The following DENND1B variants were observed in gnomAD, a reference collection of about 807,000 sequenced individuals.
DENND1B encodes DENN domain-containing protein 1B.
Under a neutral mutation model 90.1 loss-of-function variants are expected in DENND1B, and 59 were observed. That is an observed-to-expected ratio of 0.65 (90% CI 0.53 to 0.81). The LOEUF is 0.81. DENND1B is among the 40% of genes least tolerant of loss of function. DENND1B has a pLI of 0.00. For synonymous variants in DENND1B, 337 were observed against 324.6 expected (o/e 1.04, Z -0.41); for missense variants, 862 against 912.6 (o/e 0.94, Z 0.71).
At chr1:197,635,559 A>G (rs1679711956) in intron 10 of DENND1B, among the ~76,000 whole-genome samples, 1 of 151,962 alleles carries the variant, frequency 6.6e-6, no homozygotes, top group African/African-American at 2.4e-5. Context: ...GCTATTCTCA[A>G]ACTCCTGGGC....
chr1:197,704,003 G>C (rs1192947369), intron 3 of DENND1B, among the ~76,000 whole-genome samples: 1 of 152,128 alleles, frequency 6.6e-6, no homozygotes, highest in Non-Finnish European at 1.5e-5. Flanking sequence ...AGGACTCTGG[G>C]AGACCAAGGT....
At chr1:197,689,888 G>C (rs1296252637) in intron 3 of DENND1B, 1 of 153,122 alleles carries the variant, frequency 6.5e-6, no homozygotes, top group Non-Finnish European at 1.5e-5. Flanking sequence ...AACATACCTT[G>C]GCTCAAGAGA....
intron 15 of DENND1B, among the ~76,000 whole-genome samples, chr1:197,559,288 T>A (rs1671963787): frequency 6.6e-6 from 1 of 151,970 alleles, no homozygotes; most frequent in South Asian, 2.1e-4. Context: ...AAGAAATATT[T>A]GATCTTTTTT....
At chr1:197,516,960 G>C (rs921801980) in intron 20 of DENND1B, among the ~76,000 whole-genome samples, 34 of 151,932 alleles carry the variant, frequency 2.2e-4, no homozygotes, top group African/African-American at 7.2e-4. Context: ...AGCTTTATCT[G>C]CTAAGTGTTC....
At chr1:197,658,933 C>A (rs766250230) in intron 5 of DENND1B, among the ~76,000 whole-genome samples, 1 of 150,842 alleles carries the variant, frequency 6.6e-6, no homozygotes, top group Non-Finnish European at 1.5e-5. Flanking sequence ...AAATTTAATT[C>A]ATTGTACTAG....
intron 14 of DENND1B, among the ~76,000 whole-genome samples, chr1:197,585,488 A>G (rs938595641): frequency 6.6e-6 from 1 of 152,202 alleles, no homozygotes; most frequent in African/African-American, 2.4e-5. Flanking sequence ...GGCATAGTTT[A>G]ATCATTAGCC....
intron 10 of DENND1B, among the ~76,000 whole-genome samples, chr1:197,630,366 G>C (rs1679218254): frequency 6.6e-6 from 1 of 152,056 alleles, no homozygotes; most frequent in African/African-American, 2.4e-5. Flanking sequence ...ATGGCACCTT[G>C]TTACTGCATC....
chr1:197,595,879 T>A (rs1040387833), intron 13 of DENND1B, among the ~76,000 whole-genome samples: 1 of 152,112 alleles, frequency 6.6e-6, no homozygotes, highest in African/African-American at 2.4e-5. Flanking sequence ...GAGTGGAGAA[T>A]TTTATGCAAA....
chr1:197,669,172 T>G (rs1339273689), intron 5 of DENND1B, among the ~76,000 whole-genome samples: 6 of 152,148 alleles, frequency 3.9e-5, no homozygotes, highest in Non-Finnish European at 8.8e-5. Flanking sequence ...TTTATTATAC[T>G]TGTCACCATA....
chr1:197,730,057 G>C (rs1426809794), intron 2 of DENND1B, among the ~76,000 whole-genome samples: 1 of 152,096 alleles, frequency 6.6e-6, no homozygotes, highest in African/African-American at 2.4e-5. Context: ...ACTACACTTT[G>C]AGAGCCAGAG....
rs370088694 is a variant in DENND1B at position 197,617,689 on chromosome 1, A to C, written c.743T>G (p.Val248Gly). 1 of 1,607,674 alleles carries C rather than the reference A, an allele frequency of 6.2e-7. No individual in the cohort carries two copies. The highest frequency in any genetic ancestry group is 2.2e-5 in the East Asian group (1 of 44,724). Reference sequence around the variant, plus strand: ...GTAGTCCAGCAGGTGTGGAGGAAGCACTGGGATGTATATGTGTTGCCAATA... The same window carrying C: ...GTAGTCCAGCAGGTGTGGAGGAAGCCCTGGGATGTATATGTGTTGCCAATA... ...PMYWQHIYIP[V>G]LPPHLLDYCC... Residue 248 changes from valine (V) to glycine (G), a missense_variant, in exon 11 of 23, where the codon GTG becomes GGG. Val to Gly is a moderately radical substitution (Grantham distance 109). Transcript: ENST00000620048.
intron 2 of DENND1B, among the ~76,000 whole-genome samples, chr1:197,772,190 C>T (rs1460593163): frequency 6.6e-6 from 1 of 152,080 alleles, no homozygotes; most frequent in African/African-American, 2.4e-5. Context: ...AGAATGTGCA[C>T]TAATGTTTAA....
intron 2 of DENND1B, among the ~76,000 whole-genome samples, chr1:197,759,183 T>C (rs912150341): frequency 1.3e-5 from 2 of 151,248 alleles, no homozygotes; most frequent in African/African-American, 4.8e-5. Flanking sequence ...GTTGCCCAGG[T>C]TGCTGGAACT....
chr1:197,637,884 G>A (rs554307259), intron 10 of DENND1B, among the ~76,000 whole-genome samples: 9 of 152,166 alleles, frequency 5.9e-5, no homozygotes, highest in Non-Finnish European at 1.2e-4. Context: ...GCAGGACTAC[G>A]TAATCTTTGT....
At chr1:197,583,325 T>C in intron 14 of DENND1B, 72 bp from the exon 15 acceptor site, 1 of 1,401,474 alleles carries the variant, frequency 7.1e-7, no homozygotes, top group Non-Finnish European at 1.0e-6. Flanking sequence ...TTTAAATAGG[T>C]ATGTGAAGAG....
chr1:197,769,822 T>C (rs369374913), intron 2 of DENND1B, among the ~76,000 whole-genome samples: 2 of 152,272 alleles, frequency 1.3e-5, no homozygotes, highest in South Asian at 2.1e-4. Context: ...TTAAAACAAA[T>C]AGGTACTAAC....
At chr1:197,511,070 C>G (rs1428539910) in intron 22 of DENND1B, 98 bp from the exon 23 acceptor site, 1 of 1,207,282 alleles carries the variant, frequency 8.3e-7, no homozygotes, top group East Asian at 2.8e-5. Flanking sequence ...GCGTTAAGTT[C>G]CTCCCAGAGA....
intron 10 of DENND1B, among the ~76,000 whole-genome samples, chr1:197,635,030 A>AGGAAGGAAG (rs1679657168): frequency 6.8e-6 from 1 of 146,788 alleles, no homozygotes; most frequent in African/African-American, 2.5e-5. Context: ...GAAGGAAGGA[A>AGGAAGGAAG]GGAAGGAAGG....
intron 20 of DENND1B, among the ~76,000 whole-genome samples, chr1:197,518,683 T>C (rs1286210809): frequency 6.6e-6 from 1 of 151,906 alleles, no homozygotes; most frequent in Non-Finnish European, 1.5e-5. Context: ...AGCTAGTCAA[T>C]ACTGCATGGC....
Sources: allele counts gnomAD v4.1 joint callset (sites outside exome capture counted in the v4.1 genomes callset), GRCh38; gene constraint gnomAD v4.1.1; transcripts MANE v1.5; gene names NCBI Gene and HGNC (gene_info 2026-07-23, HGNC 2026-07-21).